The following KCNB2 variants were observed in gnomAD, a reference collection of about 807,000 sequenced individuals.
KCNB2 encodes the protein potassium voltage-gated channel subfamily B member 2, also known as delayed rectifier potassium channel protein.
In KCNB2, 15 loss-of-function variants were observed where a neutral mutation model predicts 61.5. The observed-to-expected ratio is 0.24, with a 90% CI of 0.16 to 0.38. The LOEUF (loss-of-function observed/expected upper bound fraction) is 0.38, where lower values mean the gene tolerates loss of function less well. Among genes scored for constraint, KCNB2 ranks in the 10% least tolerant of loss-of-function variants. The pLI is 1.00. For synonymous variants in KCNB2, 457 were observed against 446.0 expected (o/e 1.02, Z -0.31); for missense variants, 828 against 1,125.2 (o/e 0.74, Z 3.78).
Position 72,543,991 on chromosome 8 carries a change from G to A in KCNB2, c.-94+6106G>A, listed in dbSNP as rs374801794. 1.3e-4 allele frequency among the ~76,000 whole-genome samples: 20 copies of A among 152,282 alleles called. No homozygotes were observed. In the East Asian group the frequency reaches 1.7e-3, roughly 13 times the overall value. ...AATAGCAACAAAATCAAACTATGTAGTTTGCTAAACATTAGGGACATCCTA... is the reference window on the plus strand; with the variant it reads ...AATAGCAACAAAATCAAACTATGTAATTTGCTAAACATTAGGGACATCCTA... On this transcript the variant is annotated intron_variant, in intron 1 of 2. Transcript: ENST00000523207.
intron 2 of KCNB2, among the ~76,000 whole-genome samples, chr8:72,929,833 G>C (rs543267821): frequency 8.6e-5 from 13 of 151,852 alleles, no homozygotes; most frequent in Non-Finnish European, 1.5e-4. Context: ...AAGTTCTAGG[G>C]TACAGGTGCA....
rs2919416 is a variant in KCNB2 at position 72,692,222 on chromosome 8, C to T, written c.579+123909C>T. Among the ~76,000 whole-genome samples, 33 of 118,484 alleles carry T rather than the reference C, an allele frequency of 2.8e-4. No homozygotes were observed. The East Asian group carries it at 4.8e-3, about 17-fold the overall frequency. 77.7% of individuals were successfully genotyped at this position (118,484 alleles called of 152,430 possible). ...CTGCACTCCAGCCTGGGTGACAGAG[C>T]GAGACTCTGTCTCAAAAAAAAAAAA... On this transcript the variant is annotated intron_variant, in intron 2 of 2. Coordinates refer to ENST00000523207, the MANE Select transcript of KCNB2 (RefSeq NM_004770.3).
At chr8:72,788,421 C>T (rs1808878474) in intron 2 of KCNB2, among the ~76,000 whole-genome samples, 1 of 152,072 alleles carries the variant, frequency 6.6e-6, no homozygotes, top group African/African-American at 2.4e-5. Context: ...CTTCTTCTTA[C>T]AAGAGCAGCA....
chr8:72,593,334 G>A (rs1208092038), intron 2 of KCNB2, among the ~76,000 whole-genome samples: 1 of 152,172 alleles, frequency 6.6e-6, no homozygotes, highest in Non-Finnish European at 1.5e-5. Flanking sequence ...AAGGTACACT[G>A]AATTTTGTTT....
intron 2 of KCNB2, among the ~76,000 whole-genome samples, chr8:72,837,113 A>G (rs7006447): frequency 0.85 from 129,815 of 152,208 alleles, 56,326 homozygotes; most frequent in Middle Eastern, 0.97. Context: ...AGAATTAGAC[A>G]TACTGTTCCT....
At chr8:72,775,600 C>A (rs1049746898) in intron 2 of KCNB2, among the ~76,000 whole-genome samples, 3 of 152,118 alleles carry the variant, frequency 2.0e-5, no homozygotes, top group Non-Finnish European at 4.4e-5. Context: ...TCACAGTAAA[C>A]AATCCAATGG....
chr8:72,627,629 A>G (rs886788316), intron 2 of KCNB2, among the ~76,000 whole-genome samples: 13 of 152,218 alleles, frequency 8.5e-5, no homozygotes, highest in Admixed American at 2.6e-4. Flanking sequence ...AGAGCTGTGT[A>G]GGAATGTGCA....
intron 2 of KCNB2, among the ~76,000 whole-genome samples, chr8:72,643,390 C>T (rs923601738): frequency 7.2e-5 from 11 of 152,108 alleles, no homozygotes; most frequent in African/African-American, 2.7e-4. Flanking sequence ...GATGGTATGG[C>T]ACACCCCAGA....
At chr8:72,822,138 T>C (rs1176392120) in intron 2 of KCNB2, among the ~76,000 whole-genome samples, 3 of 152,252 alleles carry the variant, frequency 2.0e-5, no homozygotes, top group African/African-American at 7.2e-5. Flanking sequence ...CCAGTCATTT[T>C]AAATAACCTT....
Position 72,821,650 on chromosome 8 carries a change from A to C in KCNB2, c.580-114285A>C, listed in dbSNP as rs544926030. On this transcript the variant is annotated intron_variant, in intron 2 of 2. Coordinates refer to ENST00000523207, the MANE Select transcript of KCNB2 (RefSeq NM_004770.3). ...CACACACAAAAAAAAACAAAAAAAA[A>C]AAAAAAAAAACACACACACACCAAG... Among the ~76,000 whole-genome samples the C allele has an allele frequency of 7.9e-4, 118 of 149,856 alleles. 1 individual carries two copies. Among genetic ancestry groups the C allele is most frequent in the African/African-American group, 2.5e-3 (100 of 40,688 alleles).
At chr8:72,860,661 A>G (rs1026301317) in intron 2 of KCNB2, among the ~76,000 whole-genome samples, 1 of 152,188 alleles carries the variant, frequency 6.6e-6, no homozygotes, top group Non-Finnish European at 1.5e-5. Flanking sequence ...GCCCTTTACT[A>G]CTATCTGAGG....
chr8:72,666,384 G>A (rs1378209555), intron 2 of KCNB2, among the ~76,000 whole-genome samples: 1 of 152,126 alleles, frequency 6.6e-6, no homozygotes, highest in Non-Finnish European at 1.5e-5. Context: ...CCTTGAGAAA[G>A]TGTGATTTTG....
At chr8:72,788,392 A>G (rs1171615637) in intron 2 of KCNB2, among the ~76,000 whole-genome samples, 7 of 152,130 alleles carry the variant, frequency 4.6e-5, no homozygotes, top group Non-Finnish European at 1.0e-4. Flanking sequence ...GCACATAAAG[A>G]AAAGGAGTCC....
chr8:72,618,780 C>T, intron 2 of KCNB2: 1 of 215,988 alleles, frequency 4.6e-6, no homozygotes, highest in Non-Finnish European at 9.6e-6. Flanking sequence ...ACCTAATTCT[C>T]TCTTTGCTTC....
chr8:72,575,521 T>C (rs994265837), intron 2 of KCNB2, among the ~76,000 whole-genome samples: 1 of 152,164 alleles, frequency 6.6e-6, no homozygotes. Flanking sequence ...CCTATAGGAT[T>C]GTTTGTTAAG....
intron 2 of KCNB2, among the ~76,000 whole-genome samples, chr8:72,893,588 T>C (rs1455189330): frequency 2.0e-5 from 3 of 152,194 alleles, no homozygotes; most frequent in South Asian, 2.1e-4. Flanking sequence ...CTTATCAAAA[T>C]TAGTTGAAGC....
intron 2 of KCNB2, among the ~76,000 whole-genome samples, chr8:72,797,459 G>T (rs570644884): frequency 4.3e-4 from 65 of 152,194 alleles, no homozygotes; most frequent in African/African-American, 1.6e-3. Flanking sequence ...CAGGCCAGGG[G>T]GCTGCTCTCC....
Position 72,904,206 on chromosome 8 carries a change from A to G in KCNB2, c.580-31729A>G, listed in dbSNP as rs146665581. 3.5e-3 allele frequency among the ~76,000 whole-genome samples: 530 copies of G among 152,312 alleles called. 4 individuals carry two copies. The highest frequency in any genetic ancestry group is 4.1e-3 in the Non-Finnish European group (282 of 68,018). ...TTCATCAATGTGCTTACAGATAAGT[A>G]TAGCATTATTCAGATGCATAGCTAC... On this transcript the variant is annotated intron_variant, in intron 2 of 2. Transcript: ENST00000523207.
chr8:72,586,728 T>A (rs1437912877), intron 2 of KCNB2, among the ~76,000 whole-genome samples: 2 of 152,224 alleles, frequency 1.3e-5, no homozygotes, highest in African/African-American at 2.4e-5. Context: ...CAACTTGAAA[T>A]TCTGTTTAGA....
Sources: allele counts gnomAD v4.1 joint callset (sites outside exome capture counted in the v4.1 genomes callset), GRCh38; gene constraint gnomAD v4.1.1; transcripts MANE v1.5; gene names NCBI Gene and HGNC (gene_info 2026-07-23, HGNC 2026-07-21).